Variants in ST8SIA5 observed in about 807,000 individuals in gnomAD.
ST8SIA5 encodes alpha-2,8-sialyltransferase 8E.
ST8SIA5 carries 24 observed loss-of-function variants against 40.2 expected under a neutral mutation model. The ratio of observed to expected loss-of-function variants is 0.60; its 90% CI spans 0.43 to 0.84. ST8SIA5 has a LOEUF of 0.84. Among genes scored for constraint, ST8SIA5 ranks in the 40% least tolerant of loss-of-function variants. ST8SIA5 has a pLI of 0.00. For synonymous variants in ST8SIA5, 198 were observed against 201.8 expected, an observed-to-expected ratio of 0.98 and a Z score of 0.16; for missense variants, 465 against 498.5, an observed-to-expected ratio of 0.93 and a Z score of 0.64.
chr18:46,721,598 G>A, intron 1 of ST8SIA5: 2 of 738,476 alleles, frequency 2.7e-6, no homozygotes, highest in South Asian at 1.6e-5. Flanking sequence ...AGGAGGCGAT[G>A]GTACTGACTC....
intron 1 of ST8SIA5, among the ~76,000 whole-genome samples, chr18:46,708,050 C>T (rs1421573060): frequency 2.0e-5 from 3 of 152,134 alleles, no homozygotes; most frequent in East Asian, 1.9e-4. Context: ...AGTGCATGTG[C>T]GACAGGGTTG....
At chr18:46,710,429 CTCTT>C (rs1437513436) in intron 1 of ST8SIA5, among the ~76,000 whole-genome samples, 3 of 115,242 alleles carry the variant, frequency 2.6e-5, no homozygotes, top group African/African-American at 6.3e-5. Context: ...TTCTTTCTCT[CTCTT>C]TCTTTTTCTT....
intron 1 of ST8SIA5, among the ~76,000 whole-genome samples, chr18:46,706,649 C>T (rs1435709255): frequency 6.6e-6 from 1 of 152,154 alleles, no homozygotes; most frequent in African/African-American, 2.4e-5. Flanking sequence ...TTCTGTACTA[C>T]AGAGGGAGGA....
Position 46,679,696 on chromosome 18 carries a change from C to T in ST8SIA5, c.*346G>A. ...CTGCAACAAGGGCCTGCAGTTTGTG[C>T]TCTCTCTCGGATGACAAAATTGGGT... On this transcript the variant is annotated 3_prime_UTR_variant, in exon 7 of 7. Transcript: ENST00000315087. 6.3e-6 allele frequency: 2 copies of T among 317,380 alleles called. No homozygotes were observed. Among genetic ancestry groups the T allele is most frequent in the Admixed American group, 4.8e-5 (1 of 21,004 alleles). 19.7% of individuals were successfully genotyped at this position (317,380 alleles called of 1,614,324 possible). A position where few individuals can be genotyped will look rare whatever the true frequency, so the allele number is the denominator to read the frequency against.
At chr18:46,708,482 A>G (rs1419265229) in intron 1 of ST8SIA5, among the ~76,000 whole-genome samples, 1 of 152,152 alleles carries the variant, frequency 6.6e-6, no homozygotes, top group Non-Finnish European at 1.5e-5. Flanking sequence ...GGGCTAGCCA[A>G]TTCCTGGAGA....
chr18:46,703,299 C>T (rs1339130007), intron 2 of ST8SIA5, among the ~76,000 whole-genome samples: 1 of 152,168 alleles, frequency 6.6e-6, no homozygotes, highest in African/African-American at 2.4e-5. Context: ...GCGCCTGCCA[C>T]CACGCCTGGC....
At chr18:46,752,923 C>A (rs531053126) in intron 1 of ST8SIA5, among the ~76,000 whole-genome samples, 43 of 152,294 alleles carry the variant, frequency 2.8e-4, no homozygotes, top group African/African-American at 1.0e-3. Flanking sequence ...CCTCTTTAAC[C>A]CTTCCTGTAG....
intron 1 of ST8SIA5, among the ~76,000 whole-genome samples, chr18:46,740,126 T>TA (rs1424575670): frequency 6.6e-6 from 1 of 152,120 alleles, no homozygotes; most frequent in Non-Finnish European, 1.5e-5. Context: ...ATCCTCCCAA[T>TA]AAAAAACACT....
chr18:46,728,090 G>A (rs1357972870), intron 1 of ST8SIA5, among the ~76,000 whole-genome samples: 2 of 151,932 alleles, frequency 1.3e-5, no homozygotes, highest in African/African-American at 4.8e-5. Flanking sequence ...AGCTACTCAG[G>A]AGGCTGAGGC....
At chr18:46,692,405 G>C in intron 2 of ST8SIA5, 150 bp from the exon 3 acceptor site, 1 of 636,674 alleles carries the variant, frequency 1.6e-6, no homozygotes, top group Non-Finnish European at 2.7e-6. Context: ...CTCTTTCTTT[G>C]TTTCTTTTTT....
Position 46,673,521 on chromosome 18 carries a change from C to G in ST8SIA5, c.*6521G>C, listed in dbSNP as rs562931105. The G allele has an allele frequency of 6.6e-6, 1 of 152,090 alleles. No homozygotes were observed. The highest frequency in any genetic ancestry group is 1.5e-5 in the Non-Finnish European group (1 of 68,030). The allele number at this position is 152,090 out of a possible 1,614,324, so 9.4% of individuals were successfully genotyped here. On this transcript the variant is annotated 3_prime_UTR_variant, in exon 7 of 7. Coordinates refer to ENST00000315087, the MANE Select transcript of ST8SIA5 (RefSeq NM_013305.6). ...TGCTCAGGGAACAGATAGGGCCTCA[C>G]ACATGCTGATTCCCAGGCGCCACCT...
intron 1 of ST8SIA5, among the ~76,000 whole-genome samples, chr18:46,708,615 G>A (rs2039692004): frequency 6.6e-6 from 1 of 152,000 alleles, no homozygotes; most frequent in Admixed American, 6.5e-5. Flanking sequence ...CCAGGGCCAG[G>A]TCCTAGGCAA....
rs1340205657 is a variant in ST8SIA5, at chr18:46,671,700, C to T, written c.*8342G>A. 2.0e-5 allele frequency: 3 copies of T among 152,126 alleles called. No individual in the cohort carries two copies. The highest frequency in any genetic ancestry group is 1.9e-4 in the East Asian group (1 of 5,194). 9.4% of individuals were successfully genotyped at this position (152,126 alleles called of 1,614,324 possible). On this transcript the variant is annotated 3_prime_UTR_variant, in exon 7 of 7. Coordinates refer to ENST00000315087, the MANE Select transcript of ST8SIA5 (RefSeq NM_013305.6). ...AGGCAGACTCTGAGGCTCCTAGCCC[C>T]GGGAGAAGAAATCTATGTTACTTTG...
In ST8SIA5 at chr18:46,726,619, C is replaced by T. The variant is rs753564654; in HGVS notation, c.132-21955G>A. Among the ~76,000 whole-genome samples the T allele has an allele frequency of 5.3e-4, 73 of 137,248 alleles. 4 individuals carry two copies. Among genetic ancestry groups the T allele is most frequent in the South Asian group, 4.3e-3 (15 of 3,522 alleles). 90.0% of individuals were successfully genotyped at this position (137,248 alleles called of 152,430 possible). A position where few individuals can be genotyped will look rare whatever the true frequency, so the allele number is the denominator to read the frequency against. Reference sequence around the variant, plus strand: ...TCTATAATTCCATAATAAAAATACACGTTAAAATAATTTTTAAGGCCAGGC... The same window carrying T: ...TCTATAATTCCATAATAAAAATACATGTTAAAATAATTTTTAAGGCCAGGC... On this transcript the variant is annotated intron_variant, in intron 1 of 6. Transcript: ENST00000315087.
At chr18:46,725,139 T>C (rs1039308889) in intron 1 of ST8SIA5, among the ~76,000 whole-genome samples, 1 of 152,148 alleles carries the variant, frequency 6.6e-6, no homozygotes, top group Non-Finnish European at 1.5e-5. Flanking sequence ...TTTAGTAGCT[T>C]GCCCAAGTAA....
At chr18:46,720,264 C>T (rs2039848612) in intron 1 of ST8SIA5, among the ~76,000 whole-genome samples, 1 of 152,150 alleles carries the variant, frequency 6.6e-6, no homozygotes, top group Non-Finnish European at 1.5e-5. Flanking sequence ...AGCAGACAGG[C>T]CAGCATGGGA....
chr18:46,756,325 G>A, intron 1 of ST8SIA5, 53 bp downstream of exon 1: 2 of 1,593,922 alleles, frequency 1.3e-6, no homozygotes, highest in Non-Finnish European at 1.7e-6. Context: ...ACTGCCACCC[G>A]GGGGCTCGCC....
In ST8SIA5 at chr18:46,686,208, C is replaced by G; in HGVS notation, c.535G>C (p.Gly179Arg). Residue 179 changes from glycine to arginine, a missense_variant, in exon 5 of 7, where the codon GGG (glycine) becomes CGG (arginine). Physicochemically the swap from Gly to Arg is moderately radical, Grantham distance 125 (BLOSUM62 -2). Transcript: ENST00000315087. ...NGGILKNSRC[G>R]REINSADFVF... ...AAGTCGGCGCTGTTGATCTCCCTCCCGCAGCGGCTGTTCTTCAAGATGCCT... is the reference window on the plus strand; with the variant it reads ...AAGTCGGCGCTGTTGATCTCCCTCCGGCAGCGGCTGTTCTTCAAGATGCCT... The G allele has an allele frequency of 4.3e-6, 7 of 1,614,154 alleles. No individual in the cohort carries two copies. The highest frequency in any genetic ancestry group is 5.9e-6 in the Non-Finnish European group (7 of 1,180,030).
intron 1 of ST8SIA5, among the ~76,000 whole-genome samples, chr18:46,734,004 C>T (rs528371255): frequency 3.3e-5 from 5 of 152,202 alleles, no homozygotes; most frequent in South Asian, 2.1e-4. Flanking sequence ...GGGCTCTGAC[C>T]GCCCTTCCCC....
Sources: allele counts gnomAD v4.1 joint callset (sites outside exome capture counted in the v4.1 genomes callset), GRCh38; gene constraint gnomAD v4.1.1; transcripts MANE v1.5; gene names NCBI Gene and HGNC (gene_info 2026-07-23, HGNC 2026-07-21).